The following ROR2 variants were observed in gnomAD, a reference collection of about 807,000 sequenced individuals.
The protein encoded by ROR2 is ROR family WNT receptor 2, also known as tyrosine-protein kinase transmembrane receptor ROR2.
Under a neutral mutation model 74.9 loss-of-function variants are expected in ROR2, and 33 were observed. The observed-to-expected ratio is 0.44, with a 90% CI of 0.33 to 0.59. The LOEUF is 0.59. Ranked by LOEUF, ROR2 falls within the 20% of genes least tolerant of loss-of-function variation. The pLI is 0.02. For missense variants in ROR2, 1,216 were observed against 1,313.8 expected, an observed-to-expected ratio of 0.93 and a Z score of 1.15; for synonymous variants, 586 against 558.7, an observed-to-expected ratio of 1.05 and a Z score of -0.69.
rs1824883714 is a variant in ROR2 at position 91,733,296 on chromosome 9, C to T, written c.763G>A (p.Glu255Lys). ...TPKPRELCRD[E>K]CEVLESDLCR... ...AGGTCGCTCTCCAGCACCTCGCACT[C>T]GTCGCGGCACAGCTCACGCGGCTTG... Residue 255 changes from glutamate to lysine, a missense_variant, in exon 6 of 9, where the codon GAG becomes AAG. Transcript: ENST00000375708. The surrounding 1 kb of genome is among the most constrained non-coding windows in gnomAD (Gnocchi z 5.7). 1 of 1,612,794 alleles carries T rather than the reference C, an allele frequency of 6.2e-7. No individual in the cohort carries two copies. Among genetic ancestry groups the T allele is most frequent in the Non-Finnish European group, 8.5e-7 (1 of 1,179,710 alleles).
intron 1 of ROR2, among the ~76,000 whole-genome samples, chr9:91,792,514 T>A (rs759317483): frequency 2.0e-4 from 30 of 152,128 alleles, no homozygotes; most frequent in African/African-American, 4.6e-4. Context: ...TTCACCGTGT[T>A]AGCCAAGATG....
chr9:91,902,206 C>A (rs1283044941), intron 1 of ROR2, among the ~76,000 whole-genome samples: 2 of 152,140 alleles, frequency 1.3e-5, no homozygotes, highest in Non-Finnish European at 2.9e-5. Flanking sequence ...GAAGGAGAAA[C>A]AATTATTTTT....
chr9:91,736,320 G>A (rs1019110398), intron 5 of ROR2, among the ~76,000 whole-genome samples: 3 of 152,202 alleles, frequency 2.0e-5, no homozygotes, highest in Non-Finnish European at 4.4e-5. Flanking sequence ...CGACTCTCTA[G>A]TCCGAGGGTG....
intron 2 of ROR2, among the ~76,000 whole-genome samples, chr9:91,772,674 GAC>G (rs1474121708): frequency 2.6e-5 from 4 of 152,160 alleles, no homozygotes; most frequent in African/African-American, 9.7e-5. Context: ...CTGTGCTCTG[GAC>G]AGGTCCGAGG....
intron 1 of ROR2, among the ~76,000 whole-genome samples, chr9:91,901,631 CATG>C (rs1830678918): frequency 6.6e-6 from 1 of 152,022 alleles, no homozygotes; most frequent in African/African-American, 2.4e-5. Context: ...GCCTGACCAA[CATG>C]ATGAAACCCC....
intron 7 of ROR2, among the ~76,000 whole-genome samples, chr9:91,730,199 T>C (rs1382571722): frequency 6.6e-6 from 1 of 152,144 alleles, no homozygotes; most frequent in Admixed American, 6.6e-5. Context: ...CGTCTTGGCC[T>C]CCCAAAGTAC....
chr9:91,822,850 T>A (rs1235624256), intron 1 of ROR2, among the ~76,000 whole-genome samples: 1 of 152,124 alleles, frequency 6.6e-6, no homozygotes, highest in Non-Finnish European at 1.5e-5. Context: ...CAGCCAGACG[T>A]GCACAGCTTC....
At chr9:91,763,655 T>C (rs924255784) in intron 2 of ROR2, among the ~76,000 whole-genome samples, 4 of 152,386 alleles carry the variant, frequency 2.6e-5, no homozygotes, top group African/African-American at 9.6e-5. Flanking sequence ...TTCCAACTTC[T>C]GTAGTTAATT....
At chr9:91,881,858 C>T (rs948811946) in intron 1 of ROR2, among the ~76,000 whole-genome samples, 1 of 152,128 alleles carries the variant, frequency 6.6e-6, no homozygotes, top group Non-Finnish European at 1.5e-5. Context: ...CGAGGAAAAG[C>T]ACTGAGGCAT....
intron 6 of ROR2, 141 bp from the exon 7 acceptor site, chr9:91,731,296 A>T (rs544721404): frequency 1.7e-4 from 206 of 1,202,772 alleles, no homozygotes; most frequent in Non-Finnish European, 2.2e-4. Flanking sequence ...TAATGGCTTA[A>T]TGAAGTCCCA....
chr9:91,755,408 G>A (rs1825716634), intron 4 of ROR2, among the ~76,000 whole-genome samples: 1 of 152,218 alleles, frequency 6.6e-6, no homozygotes, highest in African/African-American at 2.4e-5. Flanking sequence ...AGGAAACCCG[G>A]ACAGTCACTG....
intron 1 of ROR2, among the ~76,000 whole-genome samples, chr9:91,858,382 CACATTCACACAGGCAT>C (rs530722568): frequency 8.7e-4 from 133 of 152,136 alleles, no homozygotes; most frequent in Non-Finnish European, 1.8e-3. Flanking sequence ...CAAACACACA[CACATTCACACAGGCAT>C]ACATTCACAC....
chr9:91,896,771 A>G (rs1830547856), intron 1 of ROR2, among the ~76,000 whole-genome samples: 1 of 152,178 alleles, frequency 6.6e-6, no homozygotes, highest in African/African-American at 2.4e-5. Context: ...AAACAAAACA[A>G]TGTTCTGTCC....
intron 1 of ROR2, among the ~76,000 whole-genome samples, chr9:91,924,571 AT>A (rs769224638): frequency 3.7e-4 from 56 of 152,162 alleles, no homozygotes; most frequent in Non-Finnish European, 7.1e-4. Flanking sequence ...AGGCGGGCGG[AT>A]CACGAGGTCA....
chr9:91,760,621 G>A (rs1431244551), intron 2 of ROR2, among the ~76,000 whole-genome samples: 5 of 146,714 alleles, frequency 3.4e-5, no homozygotes, highest in African/African-American at 7.6e-5. Context: ...GTGACAGAGC[G>A]AGACTCTGTC....
rs1314015078 is a variant in ROR2 at position 91,723,717 on chromosome 9, A to T, written c.2777T>A (p.Leu926Gln). 1 of 1,613,950 alleles carries T rather than the reference A, an allele frequency of 6.2e-7. No individual in the cohort carries two copies. The highest frequency in any genetic ancestry group is 1.7e-5 in the Admixed American group (1 of 60,014). The change falls in exon 9 of 9, where the codon CTG (leucine) becomes CAG (glutamine). Residue 926 changes from leucine to glutamine, a missense_variant. By Grantham distance (113) the Leu-to-Gln change is moderately radical (BLOSUM62 -2). Coordinates refer to ENST00000375708, the MANE Select transcript of ROR2 (RefSeq NM_004560.4). ...EEGSVPETELLGDCDTLQVDE... is the reference protein window; with the variant it reads ...EEGSVPETELQGDCDTLQVDE... Reference sequence around the variant, plus strand: ...CACCTGCAGAGTGTCACAGTCCCCCAGCAGCTCAGTCTCTGGGACAGAGCC... The same window carrying T: ...CACCTGCAGAGTGTCACAGTCCCCCTGCAGCTCAGTCTCTGGGACAGAGCC...
At chr9:91,747,862 G>C (rs1825475364) in intron 4 of ROR2, among the ~76,000 whole-genome samples, 1 of 152,160 alleles carries the variant, frequency 6.6e-6, no homozygotes, top group Non-Finnish European at 1.5e-5. Flanking sequence ...CAAAGTCAAA[G>C]GATGTCCTCG....
In ROR2 at chr9:91,726,606, G is replaced by A. The variant is rs762451478; in HGVS notation, c.1321C>T (p.Arg441Trp). ...CTGGGCGAGGCCATCAGCTGTCGCC[G>A]CTGCGGTGTGGACGCAGATGCCTTC... Reference protein sequence around the residue: ...KQKASASTPQRRQLMASPSQD... With the variant: ...KQKASASTPQWRQLMASPSQD... Residue 441 changes from arginine (R) to tryptophan (W), a missense_variant, in exon 8 of 9, where the codon CGG becomes TGG. By Grantham distance (101) the Arg-to-Trp change is moderately radical. Transcript: ENST00000375708. The A allele has an allele frequency of 1.6e-5, 26 of 1,613,702 alleles. No individual in the cohort carries two copies. The highest frequency in any genetic ancestry group is 4.0e-5 in the African/African-American group (3 of 74,870).
intron 1 of ROR2, among the ~76,000 whole-genome samples, chr9:91,855,391 G>A (rs1218978801): frequency 3.3e-5 from 5 of 152,252 alleles, no homozygotes; most frequent in Admixed American, 6.5e-5. Context: ...AGGGCACGGC[G>A]TTCGGCCCTC....
Sources: gnomAD v4.1 joint callset for allele counts (sites outside exome capture counted in the v4.1 genomes callset) on GRCh38, gnomAD v4.1.1 for gene constraint, Gnocchi (gnomAD v3.1) non-coding constraint, MANE v1.5 for transcripts, NCBI Gene and HGNC (gene_info 2026-07-23, HGNC 2026-07-21) for gene names.